Variants in CLASP1 observed in about 807,000 individuals in gnomAD.
CLASP1 encodes the protein CLIP-associating protein 1.
In CLASP1, 38 loss-of-function variants were observed where a neutral mutation model predicts 192.3. That is an observed-to-expected ratio of 0.20 (90% CI 0.15 to 0.26). The LOEUF is 0.26. Among genes scored for constraint, CLASP1 ranks in the 10% least tolerant of loss-of-function variants. The pLI, the probability that CLASP1 is intolerant of heterozygous loss-of-function variation, is 1.00. For synonymous variants in CLASP1, 691 were observed against 712.8 expected, an observed-to-expected ratio of 0.97 and a Z score of 0.49; for missense variants, 1,433 against 1,932.5, an observed-to-expected ratio of 0.74 and a Z score of 4.85.
chr2:121,466,274 C>T (rs181312788), intron 9 of CLASP1, among the ~76,000 whole-genome samples: 1 of 152,172 alleles, frequency 6.6e-6, no homozygotes, highest in Non-Finnish European at 1.5e-5. Context: ...TTAAAATACA[C>T]CAAAAAAATA....
At chr2:121,418,546 C>G in intron 23 of CLASP1, 76 bp downstream of exon 23, 1 of 987,568 alleles carries the variant, frequency 1.0e-6, no homozygotes, top group Non-Finnish European at 1.6e-6. Context: ...AAAAGCAGGT[C>G]ATTCCGCCTA....
chr2:121,403,771 T>C (rs1050373401), intron 26 of CLASP1: 4 of 469,248 alleles, frequency 8.5e-6, no homozygotes, highest in African/African-American at 7.9e-5. Flanking sequence ...CCCCCTCAGC[T>C]GGGACTCTCT....
intron 2 of CLASP1, among the ~76,000 whole-genome samples, chr2:121,559,875 T>C (rs2058923397): frequency 6.6e-6 from 1 of 152,148 alleles, no homozygotes; most frequent in African/African-American, 2.4e-5. Flanking sequence ...AGTACCTTAA[T>C]AATTATCATC....
intron 25 of CLASP1, among the ~76,000 whole-genome samples, chr2:121,406,545 C>T (rs2076935605): frequency 6.6e-6 from 1 of 152,060 alleles, no homozygotes; most frequent in Admixed American, 6.5e-5. Context: ...ATCTACTGGA[C>T]AAATATCAAA....
At chr2:121,405,112 C>T (rs1283998957) in intron 25 of CLASP1, among the ~76,000 whole-genome samples, 1 of 152,116 alleles carries the variant, frequency 6.6e-6, no homozygotes, top group African/African-American at 2.4e-5. Flanking sequence ...AATTCAAGAC[C>T]AGCCTGGCCA....
chr2:121,383,611 T>C (rs1380657540), intron 32 of CLASP1, among the ~76,000 whole-genome samples: 1 of 141,392 alleles, frequency 7.1e-6, no homozygotes, highest in African/African-American at 3.1e-5. Context: ...GGGACATACA[T>C]GCTATTTACA....
At chr2:121,354,702 C>T (rs905089586) in intron 37 of CLASP1, among the ~76,000 whole-genome samples, 14 of 152,244 alleles carry the variant, frequency 9.2e-5, no homozygotes, top group East Asian at 5.8e-4. Context: ...GGTCAGAAAA[C>T]ACCGGATTCT....
chr2:121,500,392 GAAAGAAAAGAAAGAAAGAAAGAAA>G, intron 8 of CLASP1, among the ~76,000 whole-genome samples: 1 of 112,276 alleles, frequency 8.9e-6, no homozygotes, highest in South Asian at 2.8e-4. Context: ...AAGAAAGAAA[GAAAGAAAAGAAAGAAAGAAAGAAA>G]AAAAAGAAAA....
At chr2:121,527,280 TC>T (rs1254001474) in intron 5 of CLASP1, among the ~76,000 whole-genome samples, 2 of 152,214 alleles carry the variant, frequency 1.3e-5, no homozygotes, top group African/African-American at 4.8e-5. Flanking sequence ...CTGTGACACA[TC>T]TATACCAAGG....
At chr2:121,387,264 G>A (rs1228092795) in intron 31 of CLASP1, 36 bp from the exon 33 acceptor site, 19 of 1,335,004 alleles carry the variant, frequency 1.4e-5, no homozygotes, top group Non-Finnish European at 1.7e-5. Context: ...TTATTCAAGG[G>A]CTGTATATAG....
intron 2 of CLASP1, among the ~76,000 whole-genome samples, chr2:121,531,593 C>CAAA (rs35331131): frequency 2.6e-3 from 272 of 103,970 alleles, no homozygotes; most frequent in East Asian, 6.9e-3. Context: ...GACTCCATCT[C>CAAA]AAAAAAAAAA....
chr2:121,483,988 T>C (rs1450726472), intron 8 of CLASP1, among the ~76,000 whole-genome samples: 2 of 152,180 alleles, frequency 1.3e-5, no homozygotes, highest in African/African-American at 2.4e-5. Flanking sequence ...GACATTCTGA[T>C]GCATGGCCGG....
intron 2 of CLASP1, among the ~76,000 whole-genome samples, chr2:121,536,734 A>C (rs975331867): frequency 6.6e-6 from 1 of 152,254 alleles, no homozygotes; most frequent in African/African-American, 2.4e-5. Flanking sequence ...CACCTAGAGT[A>C]GTCAAATTCA....
intron 35 of CLASP1, among the ~76,000 whole-genome samples, chr2:121,366,631 C>G (rs570555280): frequency 6.6e-6 from 1 of 152,310 alleles, no homozygotes; most frequent in South Asian, 2.1e-4. Flanking sequence ...TCATGTGCCT[C>G]GGTCCCTGGC....
rs1250945391 is a variant in CLASP1 at position 121,500,358 on chromosome 2, AAG to A, written c.712+2807_712+2808del. On this transcript the variant is annotated intron_variant, in intron 8 of 39. Transcript: ENST00000263710. ...GGAAAGAAAGAAAAAGAAAGAAAGA[AAG>A]AAAGAAAGAAAGAAAGAAAGAAAGA... is the stretch of plus-strand genomic sequence containing the variant. 1.6e-5 allele frequency among the ~76,000 whole-genome samples: 2 copies of A among 123,664 alleles called. 1 individual carries two copies. The highest frequency in any genetic ancestry group is 4.9e-4 in the South Asian group (2 of 4,044). 81.1% of individuals were successfully genotyped at this position (123,664 alleles called of 152,430 possible). A position where few individuals can be genotyped will look rare whatever the true frequency, so the allele number is the denominator to read the frequency against.
intron 2 of CLASP1, among the ~76,000 whole-genome samples, chr2:121,587,596 G>A (rs991680525): frequency 6.6e-6 from 1 of 152,176 alleles, no homozygotes; most frequent in African/African-American, 2.4e-5. Context: ...TTGGGAGGCT[G>A]AAGCAGGTGA....
At chr2:121,478,673 A>C (rs1408586878) in intron 8 of CLASP1, among the ~76,000 whole-genome samples, 4 of 70,304 alleles carry the variant, frequency 5.7e-5, no homozygotes, top group Non-Finnish European at 5.7e-5. Flanking sequence ...CCCCACACAC[A>C]CCACACACAC....
intron 39 of CLASP1, among the ~76,000 whole-genome samples, chr2:121,341,557 A>G (rs1349441478): frequency 1.3e-5 from 2 of 152,272 alleles, no homozygotes; most frequent in Non-Finnish European, 2.9e-5. Context: ...CTTTAGATCC[A>G]AAGACATAAA....
At chr2:121,476,832 A>G (rs1487944265) in intron 8 of CLASP1, among the ~76,000 whole-genome samples, 1 of 152,194 alleles carries the variant, frequency 6.6e-6, no homozygotes, top group African/African-American at 2.4e-5. Flanking sequence ...TAACTAGACT[A>G]TAATTAGCTC....
Sources: gnomAD v4.1 joint callset for allele counts (sites outside exome capture counted in the v4.1 genomes callset) on GRCh38, gnomAD v4.1.1 for gene constraint, MANE v1.5 for transcripts, NCBI Gene and HGNC (gene_info 2026-07-23, HGNC 2026-07-21) for gene names.